The following CRPPA variants were observed in gnomAD, a reference collection of about 807,000 sequenced individuals.
CRPPA encodes CDP-L-ribitol pyrophosphorylase A.
Under a neutral mutation model 52.0 loss-of-function variants are expected in CRPPA, and 43 were observed. That is an observed-to-expected ratio of 0.83 (90% CI 0.65 to 1.07). The LOEUF is 1.07. Among genes scored for constraint, CRPPA ranks in the 50% least tolerant of loss-of-function variants. The pLI is 0.00. For synonymous variants in CRPPA, 250 were observed against 203.5 expected, an observed-to-expected ratio of 1.23 and a Z score of -1.94; for missense variants, 629 against 551.7, an observed-to-expected ratio of 1.14 and a Z score of -1.40.
At chr7:16,346,149 A>G (rs894958438) in intron 3 of CRPPA, among the ~76,000 whole-genome samples, 3 of 152,178 alleles carry the variant, frequency 2.0e-5, no homozygotes, top group African/African-American at 7.2e-5. Context: ...ATTATGTGCC[A>G]GGTGCCATTG....
intron 1 of CRPPA, among the ~76,000 whole-genome samples, chr7:16,417,405 G>A (rs1788219756): frequency 6.6e-6 from 1 of 152,152 alleles, no homozygotes; most frequent in Non-Finnish European, 1.5e-5. Context: ...GCCCATCAAT[G>A]GTGGATTGGA....
At chr7:16,401,500 A>G (rs1478726514) in intron 2 of CRPPA, among the ~76,000 whole-genome samples, 1 of 152,210 alleles carries the variant, frequency 6.6e-6, no homozygotes, top group Admixed American at 6.5e-5. Flanking sequence ...TGGAGTACAA[A>G]GCTGAGGTAA....
At chr7:16,135,085 C>G (rs374105957) in intron 9 of CRPPA, among the ~76,000 whole-genome samples, 123 of 152,208 alleles carry the variant, frequency 8.1e-4, no homozygotes, top group African/African-American at 2.9e-3. Flanking sequence ...TCCAGTATTC[C>G]TGGAGGAAGC....
At chr7:16,245,772 C>T (rs1413967450) in intron 8 of CRPPA, among the ~76,000 whole-genome samples, 1 of 152,114 alleles carries the variant, frequency 6.6e-6, no homozygotes, top group Non-Finnish European at 1.5e-5. Context: ...TTTTTATTTC[C>T]CATGTCATAT....
intron 2 of CRPPA, among the ~76,000 whole-genome samples, chr7:16,397,262 AAC>A (rs1787616283): frequency 6.6e-6 from 1 of 152,238 alleles, no homozygotes; most frequent in Admixed American, 6.5e-5. Flanking sequence ...ACACATGACC[AAC>A]ACAACATGAG....
At chr7:16,117,678 A>G (rs910591502) in intron 9 of CRPPA, among the ~76,000 whole-genome samples, 1 of 152,148 alleles carries the variant, frequency 6.6e-6, no homozygotes, top group Non-Finnish European at 1.5e-5. Flanking sequence ...TTTCTAATCC[A>G]GGTTGTACAA....
intron 9 of CRPPA, among the ~76,000 whole-genome samples, chr7:16,151,012 A>G (rs920589477): frequency 8.5e-5 from 13 of 152,372 alleles, no homozygotes; most frequent in Admixed American, 7.2e-4. Context: ...TAAGTTCCCA[A>G]CATAGGTTTT....
In CRPPA at chr7:16,406,477, C is replaced by A. The variant is rs999394570; in HGVS notation, c.258-140G>T. On this transcript the variant is annotated intron_variant, in intron 1 of 9. Coordinates refer to ENST00000407010, the MANE Select transcript of CRPPA (RefSeq NM_001101426.4). ...AGTTAATAAAACAGTTTTATGCATT[C>A]TCGTTAGGTCCAGTAAAGAGGCTGA... The A allele has an allele frequency of 4.4e-6, 3 of 676,798 alleles. No individual in the cohort carries two copies. The African/African-American group carries it at 5.4e-5, about 12-fold the overall frequency. The allele number at this position is 676,798 out of a possible 1,614,324, so 41.9% of individuals were successfully genotyped here.
At chr7:16,230,432 A>G (rs1782762646) in intron 8 of CRPPA, among the ~76,000 whole-genome samples, 1 of 151,468 alleles carries the variant, frequency 6.6e-6, no homozygotes, top group African/African-American at 2.4e-5. Context: ...CCTACATTGT[A>G]TTTTCACCTC....
At chr7:16,161,865 T>C (rs950444371) in intron 9 of CRPPA, among the ~76,000 whole-genome samples, 5 of 152,104 alleles carry the variant, frequency 3.3e-5, no homozygotes, top group African/African-American at 1.2e-4. Context: ...ATTTCAGAAA[T>C]TGTTATTGGT....
At chr7:16,250,833 CCAG>C (rs1445755341) in intron 8 of CRPPA, among the ~76,000 whole-genome samples, 1 of 152,090 alleles carries the variant, frequency 6.6e-6, no homozygotes, top group African/African-American at 2.4e-5. Context: ...GGCAAAATAA[CCAG>C]CCAGAATCAT....
intron 8 of CRPPA, among the ~76,000 whole-genome samples, chr7:16,238,302 A>G (rs1783004119): frequency 1.3e-5 from 2 of 152,284 alleles, no homozygotes; most frequent in Admixed American, 6.5e-5. Flanking sequence ...AATCAATACT[A>G]TGTGAATCCA....
intron 2 of CRPPA, among the ~76,000 whole-genome samples, chr7:16,404,291 A>G (rs1347013115): frequency 2.6e-5 from 4 of 151,816 alleles, no homozygotes; most frequent in African/African-American, 9.7e-5. Flanking sequence ...ACTTTGTTTC[A>G]TTTAAGATGC....
At chr7:16,144,230 A>C (rs751699620) in intron 9 of CRPPA, among the ~76,000 whole-genome samples, 1 of 152,196 alleles carries the variant, frequency 6.6e-6, no homozygotes, top group African/African-American at 2.4e-5. Flanking sequence ...CCCTTTCACC[A>C]AAAATCCAGG....
chr7:16,230,473 G>A (rs375810126), intron 8 of CRPPA, among the ~76,000 whole-genome samples: 2 of 152,054 alleles, frequency 1.3e-5, no homozygotes, highest in South Asian at 2.1e-4. Flanking sequence ...ATTGTTTCAT[G>A]CATCATCTAG....
chr7:16,390,406 C>A (rs1271566541), intron 2 of CRPPA, among the ~76,000 whole-genome samples: 1 of 152,088 alleles, frequency 6.6e-6, no homozygotes, highest in Non-Finnish European at 1.5e-5. Context: ...CTATTTCAAT[C>A]AGGCCATTAT....
chr7:16,238,112 A>C (rs1450055498), intron 8 of CRPPA, among the ~76,000 whole-genome samples: 1 of 152,202 alleles, frequency 6.6e-6, no homozygotes, highest in Non-Finnish European at 1.5e-5. Context: ...AACTCTTATT[A>C]TGAATCCTTA....
Position 16,404,193 on chromosome 7 carries a change from T to A in CRPPA, c.534+1868A>T, listed in dbSNP as rs188530817. Among the ~76,000 whole-genome samples, 376 of 152,320 alleles carry A rather than the reference T, an allele frequency of 2.5e-3. 4 individuals are homozygous for A. The highest frequency in any genetic ancestry group is 8.5e-3 in the African/African-American group (354 of 41,578). ...GCAATATTTCTAAAAGAAACTGTAT[T>A]TCTGAGGTTTCCTTAAACAAGTTGT... On this transcript the variant is annotated intron_variant, in intron 2 of 9. Coordinates refer to ENST00000407010, the MANE Select transcript of CRPPA (RefSeq NM_001101426.4).
intron 6 of CRPPA, among the ~76,000 whole-genome samples, chr7:16,262,439 A>G (rs574438742): frequency 5.3e-5 from 8 of 152,250 alleles, no homozygotes; most frequent in South Asian, 2.1e-4. Flanking sequence ...AATCTCTTAC[A>G]ATGTTGTGTT....
Sources: gnomAD v4.1 joint callset for allele counts (sites outside exome capture counted in the v4.1 genomes callset) on GRCh38, gnomAD v4.1.1 for gene constraint, MANE v1.5 for transcripts, NCBI Gene and HGNC (gene_info 2026-07-23, HGNC 2026-07-21) for gene names.